Variants in MLEC observed in about 807,000 individuals in gnomAD.
MLEC encodes the protein oligosaccharyltransferase complex subunit (non-catalytic).
Under a neutral mutation model 28.7 loss-of-function variants are expected in MLEC, and 7 were observed. The ratio of observed to expected loss-of-function variants is 0.24; its 90% CI spans 0.14 to 0.46. The LOEUF (loss-of-function observed/expected upper bound fraction) is 0.46, where lower values mean the gene tolerates loss of function less well. Ranked by LOEUF, MLEC falls within the 20% of genes least tolerant of loss-of-function variation. MLEC has a pLI of 0.99. For missense variants in MLEC, 237 were observed against 391.1 expected (o/e 0.61, Z 3.32); for synonymous variants, 142 against 164.4 (o/e 0.86, Z 1.04).
chr12:120,694,188 C>T lies in MLEC; in HGVS notation c.333C>T (p.Tyr111=), dbSNP rs775933996. 8.1e-6 allele frequency: 13 copies of T among 1,614,054 alleles called. No individual in the cohort carries two copies. Among genetic ancestry groups the T allele is most frequent in the East Asian group, 2.2e-5 (1 of 44,894 alleles). ...GGTACAATGAGGAGACCTTTGGCTA[C>T]GAAGTGCCCATCAAAGAGGAGGGGG... ...TERYNEETFG[Y]EVPIKEEGDY... Residue 111 remains tyrosine, a synonymous_variant, in exon 2 of 5, where the codon TAC becomes TAT. Coordinates refer to ENST00000228506, the MANE Select transcript of MLEC (RefSeq NM_014730.4). The surrounding 1 kb of genome is among the most constrained non-coding windows in gnomAD (Gnocchi z 4.5).
rs1324011070 is a variant in MLEC, at chr12:120,696,104, G to GAGC, written c.650-210_650-208dup. On this transcript the variant is annotated intron_variant, in intron 4 of 4. Transcript: ENST00000228506. The surrounding 1 kb of genome is among the most constrained non-coding windows in gnomAD (Gnocchi z 5.4). Reference sequence around the variant, plus strand: ...AAGGTAAGATAGTGAACCTCCCTATGAGCACGGCTTTTTCTACTTTCTAGT... The same window carrying GAGC: ...AAGGTAAGATAGTGAACCTCCCTATGAGCAGCACGGCTTTTTCTACTTTCTAGT... Among the ~76,000 whole-genome samples the GAGC allele has an allele frequency of 6.6e-6, 1 of 152,200 alleles. No homozygotes were observed. Among genetic ancestry groups the GAGC allele is most frequent in the East Asian group, 1.9e-4 (1 of 5,200 alleles).
In MLEC at chr12:120,694,524, C is replaced by T. The variant is rs1159464237; in HGVS notation, c.414+255C>T. 2.0e-5 allele frequency among the ~76,000 whole-genome samples: 3 copies of T among 152,168 alleles called. No individual in the cohort carries two copies. Among genetic ancestry groups the T allele is most frequent in the Non-Finnish European group, 4.4e-5 (3 of 68,026 alleles). ...GGCTACTTCCCTCCATGGTTTGCCG[C>T]ACCTTCTTGTTTTTAGCCTTATTTT... On this transcript the variant is annotated intron_variant, in intron 2 of 4. Transcript: ENST00000228506. This position sits in a 1 kb window ranked among gnomAD's most constrained non-coding sequence, Gnocchi z 4.5.
chr12:120,693,802 AG>A (rs1882122933), intron 1 of MLEC, among the ~76,000 whole-genome samples: 1 of 152,222 alleles, frequency 6.6e-6, no homozygotes, highest in South Asian at 2.1e-4. Context: ...CCGTACAGTC[AG>A]GGGGAAAAAG....
Position 120,700,374 on chromosome 12 carries a change from TTG to T in MLEC, c.*3831_*3832del, listed in dbSNP as rs1202167509. ...TGGCATCAAATGGCAACATGGAATA[TTG>T]TCCTCCATGCCCCTCCAGAAGGACC... On this transcript the variant is annotated 3_prime_UTR_variant, in exon 5 of 5. Coordinates refer to ENST00000228506, the MANE Select transcript of MLEC (RefSeq NM_014730.4). This position sits in a 1 kb window ranked among gnomAD's most constrained non-coding sequence, Gnocchi z 4.0. 3 of 152,666 alleles carry T rather than the reference TTG, an allele frequency of 2.0e-5. No homozygotes were observed. 9.5% of individuals were successfully genotyped at this position (152,666 alleles called of 1,614,324 possible). A position where few individuals can be genotyped will look rare whatever the true frequency, so the allele number is the denominator to read the frequency against.
In MLEC at chr12:120,696,237, T is replaced by G; in HGVS notation, c.650-79T>G. On this transcript the variant is annotated intron_variant, in intron 4 of 4. Transcript: ENST00000228506. This position sits in a 1 kb window ranked among gnomAD's most constrained non-coding sequence, Gnocchi z 5.4. ...GGTTCAATCACAGCAATCTCTTTATTGTGGCTTATTTGCTGCTTTTAAGGG... is the reference window on the plus strand; with the variant it reads ...GGTTCAATCACAGCAATCTCTTTATGGTGGCTTATTTGCTGCTTTTAAGGG... 1 of 1,551,738 alleles carries G rather than the reference T, an allele frequency of 6.4e-7. No homozygotes were observed. The highest frequency in any genetic ancestry group is 8.7e-7 in the Non-Finnish European group (1 of 1,146,164).
Position 120,694,124 on chromosome 12 carries a change from G to A in MLEC, c.269G>A (p.Arg90His), listed in dbSNP as rs549354074. 3.1e-6 allele frequency: 5 copies of A among 1,613,934 alleles called. No homozygotes were observed. The highest frequency in any genetic ancestry group is 1.3e-5 in the African/African-American group (1 of 74,896). ...TATGGCATGAAACTGCCAATCCTGC[G>A]TTCCAACCCTGAGGACCAGATCCTG... ...SDYGMKLPIL[R>H]SNPEDQILYQ... Residue 90 changes from arginine (R) to histidine (H), a missense_variant, in exon 2 of 5, where the codon CGT (arginine) becomes CAT (histidine). By Grantham distance (29) the Arg-to-His change is conservative (BLOSUM62 0). Transcript: ENST00000228506. This position sits in a 1 kb window ranked among gnomAD's most constrained non-coding sequence, Gnocchi z 4.5.
rs1304991960 is a variant in MLEC, at chr12:120,698,216, GAT to G, written c.*1674_*1675del. The G allele has an allele frequency of 6.6e-6, 1 of 152,160 alleles. No individual in the cohort carries two copies. Among genetic ancestry groups the G allele is most frequent in the African/African-American group, 2.4e-5 (1 of 41,420 alleles). 9.4% of individuals were successfully genotyped at this position (152,160 alleles called of 1,614,324 possible). On this transcript the variant is annotated 3_prime_UTR_variant, in exon 5 of 5. Coordinates refer to ENST00000228506, the MANE Select transcript of MLEC (RefSeq NM_014730.4). ...GTTTAATTTTGAGTTTGCTTTATTA[GAT>G]ATGTTTTTTAAGAGCTCTGTATATT...
At chr12:120,692,759 T>TG (rs1882086902) in intron 1 of MLEC, among the ~76,000 whole-genome samples, 1 of 150,628 alleles carries the variant, frequency 6.6e-6, no homozygotes, top group Admixed American at 6.7e-5. Context: ...AATCTTAATT[T>TG]CATGCGGGAG....
chr12:120,695,212 C>T, intron 4 of MLEC, 60 bp downstream of exon 4: 4 of 1,581,528 alleles, frequency 2.5e-6, no homozygotes, highest in South Asian at 2.2e-5. Context: ...TGAGGAAGCC[C>T]TTGGGAGGTA....
rs1186093252 is a variant in MLEC at position 120,694,485 on chromosome 12, G to A, written c.414+216G>A. 2.6e-5 allele frequency among the ~76,000 whole-genome samples: 4 copies of A among 152,216 alleles called. No individual in the cohort carries two copies. The highest frequency in any genetic ancestry group is 4.4e-5 in the Non-Finnish European group (3 of 68,028). ...CTTGTTTTGCCAACTAACTGATCCT[G>A]TTAAGGCCCTCCTGGCTACTTCCCT... On this transcript the variant is annotated intron_variant, in intron 2 of 4. Coordinates refer to ENST00000228506, the MANE Select transcript of MLEC (RefSeq NM_014730.4). The surrounding 1 kb of genome is among the most constrained non-coding windows in gnomAD (Gnocchi z 4.5).
intron 1 of MLEC, among the ~76,000 whole-genome samples, chr12:120,690,357 G>A (rs1198737258): frequency 6.6e-6 from 1 of 152,088 alleles, no homozygotes; most frequent in Non-Finnish European, 1.5e-5. Context: ...TCTTCACTCT[G>A]ACTAGGAAAA....
At chr12:120,695,605 T>C (rs1316895438) in intron 4 of MLEC, among the ~76,000 whole-genome samples, 2 of 152,238 alleles carry the variant, frequency 1.3e-5, no homozygotes, top group Admixed American at 1.3e-4. Context: ...ACTTCACTTA[T>C]TTATGTCTCC....
Position 120,696,101 on chromosome 12 carries a change from T to C in MLEC, c.650-215T>C, listed in dbSNP as rs527618240. On this transcript the variant is annotated intron_variant, in intron 4 of 4. Transcript: ENST00000228506. The surrounding 1 kb of genome is among the most constrained non-coding windows in gnomAD (Gnocchi z 5.4). ...AGGAAGGTAAGATAGTGAACCTCCCTATGAGCACGGCTTTTTCTACTTTCT... is the reference window on the plus strand; with the variant it reads ...AGGAAGGTAAGATAGTGAACCTCCCCATGAGCACGGCTTTTTCTACTTTCT... 2.0e-5 allele frequency among the ~76,000 whole-genome samples: 3 copies of C among 152,352 alleles called. No homozygotes were observed. The highest frequency in any genetic ancestry group is 2.0e-4 in the Admixed American group (3 of 15,304).
rs756681635 is a variant in MLEC, at chr12:120,696,290, T to C, written c.650-26T>C. ...TCTCTTACTTAAATGCTGTGGGTCT[T>C]AACAGTGTTTTCTTCCTTGTGTTAG... On this transcript the variant is annotated intron_variant, in intron 4 of 4. Transcript: ENST00000228506. This position sits in a 1 kb window ranked among gnomAD's most constrained non-coding sequence, Gnocchi z 5.4. 2 of 1,613,006 alleles carry C rather than the reference T, an allele frequency of 1.2e-6. No individual in the cohort carries two copies. Among genetic ancestry groups the C allele is most frequent in the South Asian group, 1.1e-5 (1 of 90,776 alleles).
Position 120,694,405 on chromosome 12 carries a change from G to A in MLEC, c.414+136G>A. 1.1e-6 allele frequency: 1 copy of A among 933,840 alleles called. No individual in the cohort carries two copies. The highest frequency in any genetic ancestry group is 1.7e-5 in the African/African-American group (1 of 60,396). 57.8% of individuals were successfully genotyped at this position (933,840 alleles called of 1,614,324 possible). ...GAGCTCTAGAGAAGCATGTTCCATA[G>A]TGCACAAGGCTGCACTTGCCTTGGG... On this transcript the variant is annotated intron_variant, in intron 2 of 4. Transcript: ENST00000228506. The surrounding 1 kb of genome is among the most constrained non-coding windows in gnomAD (Gnocchi z 4.5).
At position 120,694,015 on chromosome 12, in the gene MLEC, T is replaced by G; in HGVS notation, c.236-76T>G. On this transcript the variant is annotated intron_variant, in intron 1 of 4. Coordinates refer to ENST00000228506, the MANE Select transcript of MLEC (RefSeq NM_014730.4). The surrounding 1 kb of genome is among the most constrained non-coding windows in gnomAD (Gnocchi z 4.5). Reference sequence around the variant, plus strand: ...TTATTAGCATTGCCCTGGAAATGCCTCTGGCTGTTCTGGGGTCTTTGCTTT... The same window carrying G: ...TTATTAGCATTGCCCTGGAAATGCCGCTGGCTGTTCTGGGGTCTTTGCTTT... 1 of 1,401,956 alleles carries G rather than the reference T, an allele frequency of 7.1e-7. No homozygotes were observed. Among genetic ancestry groups the G allele is most frequent in the South Asian group, 1.3e-5 (1 of 74,346 alleles). The allele number at this position is 1,401,956 out of a possible 1,614,324, so 86.8% of individuals were successfully genotyped here. A position where few individuals can be genotyped will look rare whatever the true frequency, so the allele number is the denominator to read the frequency against.
Position 120,696,574 on chromosome 12 carries a change from A to C in MLEC, c.*29A>C, listed in dbSNP as rs773133996. 1 of 1,608,130 alleles carries C rather than the reference A, an allele frequency of 6.2e-7. No individual in the cohort carries two copies. On this transcript the variant is annotated 3_prime_UTR_variant, in exon 5 of 5. Transcript: ENST00000228506. This position sits in a 1 kb window ranked among gnomAD's most constrained non-coding sequence, Gnocchi z 5.4. ...CAAATGACTATCCTGAACAGGGTGG[A>C]GGGGTGTGGGAAAGAAACCAGCCAT...
At chr12:120,688,679 ATAGT>A (rs1355039479) in intron 1 of MLEC, among the ~76,000 whole-genome samples, 31 of 152,338 alleles carry the variant, frequency 2.0e-4, no homozygotes, top group African/African-American at 4.8e-4. Context: ...TTTTACTAAA[ATAGT>A]TAGTTCTTCC....
intron 1 of MLEC, among the ~76,000 whole-genome samples, chr12:120,688,739 T>A (rs1450734285): frequency 2.0e-5 from 3 of 152,240 alleles, no homozygotes; most frequent in Admixed American, 2.0e-4. Flanking sequence ...AAGGAGTTTA[T>A]TGCCTTTCAC....
Sources: allele counts gnomAD v4.1 joint callset (sites outside exome capture counted in the v4.1 genomes callset), GRCh38; gene constraint gnomAD v4.1.1; non-coding constraint Gnocchi (gnomAD v3.1); transcripts MANE v1.5; gene names NCBI Gene and HGNC (gene_info 2026-07-23, HGNC 2026-07-21).